PCSK6: variants seen among roughly 807,000 people sequenced by gnomAD.
The protein encoded by PCSK6 is proprotein convertase subtilisin/kexin type 6.
A neutral mutation model predicts 123.3 loss-of-function variants in PCSK6; 85 were observed. That is an observed-to-expected ratio of 0.69 (90% confidence interval 0.58 to 0.83). The LOEUF (loss-of-function observed/expected upper bound fraction) is 0.83, where lower values mean the gene tolerates loss of function less well. PCSK6 is among the 40% of genes least tolerant of loss of function. The pLI, the probability that PCSK6 is intolerant of heterozygous loss-of-function variation, is 0.00. For synonymous variants in PCSK6, 508 were observed against 516.0 expected (o/e 0.98, Z 0.21); for missense variants, 1,191 against 1,282.3 (o/e 0.93, Z 1.09).
intron 20 of PCSK6, among the ~76,000 whole-genome samples, chr15:101,310,696 CA>C (rs1267342866): frequency 2.6e-5 from 4 of 152,138 alleles, no homozygotes; most frequent in African/African-American, 9.7e-5. Flanking sequence ...TGCTGTGGGT[CA>C]GACAAGTGCA....
chr15:101,438,002 AGAG>A lies in PCSK6; in HGVS notation c.402+5551_402+5553del, dbSNP rs543486836. Among the ~76,000 whole-genome samples the A allele has an allele frequency of 1.8e-3, 269 of 152,352 alleles. 1 individual carries two copies. Among genetic ancestry groups the A allele is most frequent in the African/African-American group, 6.2e-3 (258 of 41,578 alleles). ...CCAATCTGGCCAGTGTCCCATGAGA[AGAG>A]GAGATTAGGACAGAGCCACTCGCAG... On this transcript the variant is annotated intron_variant, in intron 2 of 21. Transcript: ENST00000611716.
In PCSK6 at chr15:101,313,455, C is replaced by A. The variant is rs772698260; in HGVS notation, c.2620G>T (p.Asp874Tyr). 6.2e-7 allele frequency: 1 copy of A among 1,611,732 alleles called. No homozygotes were observed. Among genetic ancestry groups the A allele is most frequent in the East Asian group, 2.2e-5 (1 of 44,882 alleles). Residue 874 changes from aspartate to tyrosine, a missense_variant, in exon 20 of 22, where the codon GAC (aspartate) becomes TAC (tyrosine). Transcript: ENST00000611716. ...IHCAKNFHFH[D>Y]WKCVPACGEG... ...CCACAGGCTGGCACACACTTCCAGT[C>A]GTGGAAGTGGAAGTTTTTCGCACAG... is the stretch of plus-strand genomic sequence containing the variant.
chr15:101,314,276 C>A (rs190120118), intron 19 of PCSK6, among the ~76,000 whole-genome samples: 1 of 152,182 alleles, frequency 6.6e-6, no homozygotes, highest in South Asian at 2.1e-4. Context: ...GAGGACCTGT[C>A]GACCTGGGTC....
At chr15:101,396,300 C>T (rs2042410617) in intron 7 of PCSK6, among the ~76,000 whole-genome samples, 1 of 152,130 alleles carries the variant, frequency 6.6e-6, no homozygotes, top group African/African-American at 2.4e-5. Flanking sequence ...TCCCTCTCTG[C>T]AGCTCCAACC....
intron 1 of PCSK6, 141 bp from the exon 2 acceptor site, chr15:101,443,801 T>C (rs1041834796): frequency 1.5e-6 from 1 of 665,704 alleles, no homozygotes; most frequent in East Asian, 2.6e-5. Flanking sequence ...CTGCTCCTCA[T>C]ATCTCTGGCA....
At chr15:101,347,917 G>A (rs569495251) in intron 13 of PCSK6, 1 of 670,518 alleles carries the variant, frequency 1.5e-6, no homozygotes, top group South Asian at 1.7e-5. Context: ...CAAGCTGGCT[G>A]CAGCTCCACA....
rs146270699 is a variant in PCSK6 at position 101,405,427 on chromosome 15, G to A, written c.824-6851C>T. Among the ~76,000 whole-genome samples the A allele has an allele frequency of 1.1e-4, 16 of 152,268 alleles. No homozygotes were observed. In the South Asian group the frequency reaches 3.3e-3, roughly 32 times the overall value. On this transcript the variant is annotated intron_variant, in intron 6 of 21. Transcript: ENST00000611716. ...GTGGGTGTGAGGCGGGAGGAGTGTTGAGTGGAAGGAAGATGGTTGCTTTGG... is the reference window on the plus strand; with the variant it reads ...GTGGGTGTGAGGCGGGAGGAGTGTTAAGTGGAAGGAAGATGGTTGCTTTGG...
At chr15:101,391,862 T>C (rs2042243488) in intron 8 of PCSK6, among the ~76,000 whole-genome samples, 2 of 152,240 alleles carry the variant, frequency 1.3e-5, no homozygotes, top group African/African-American at 4.8e-5. Context: ...TTTTCTCTTT[T>C]ACCGTTCTCC....
Position 101,318,337 on chromosome 15 carries a change from T to C in PCSK6, c.2551A>G (p.Thr851Ala). Residue 851 changes from threonine to alanine, a missense_variant, in exon 19 of 22, where the codon ACC (threonine) becomes GCC (alanine). Thr to Ala is a moderately conservative substitution (Grantham distance 58). Around this residue, in one of 3 missense-constraint regions of PCSK6, gnomAD observed 630 missense variants for 631.4 expected, o/e 1.00. Coordinates refer to ENST00000611716, the MANE Select transcript of PCSK6 (RefSeq NM_002570.5). Reference protein sequence around the residue: ...ELIRCGECHHTCGTCVGPGRE... With the variant: ...ELIRCGECHHACGTCVGPGRE... Reference sequence around the variant, plus strand: ...AACTCACCCACGCAGGTTCCGCAGGTGTGATGGCATTCCCCACATCTGATC... The same window carrying C: ...AACTCACCCACGCAGGTTCCGCAGGCGTGATGGCATTCCCCACATCTGATC... The C allele has an allele frequency of 6.4e-7, 1 of 1,559,876 alleles. No homozygotes were observed.
chr15:101,348,183 G>A (rs1347666059), intron 13 of PCSK6, among the ~76,000 whole-genome samples: 2 of 122,970 alleles, frequency 1.6e-5, no homozygotes, highest in Non-Finnish European at 3.7e-5. Flanking sequence ...CGGCCCCTGC[G>A]CCTCCGCTGC....
chr15:101,440,529 C>A (rs186599586), intron 2 of PCSK6, among the ~76,000 whole-genome samples: 49 of 152,280 alleles, frequency 3.2e-4, no homozygotes, highest in Non-Finnish European at 5.4e-4. Context: ...CACTCCTATA[C>A]AATAGGGACT....
intron 1 of PCSK6, among the ~76,000 whole-genome samples, chr15:101,487,916 T>C (rs932772416): frequency 2.6e-5 from 4 of 152,178 alleles, no homozygotes; most frequent in Admixed American, 2.0e-4. Flanking sequence ...TGTGCGTATA[T>C]GTATGTGTGT....
intron 6 of PCSK6, among the ~76,000 whole-genome samples, chr15:101,425,232 G>T (rs1357160887): frequency 6.6e-6 from 1 of 152,174 alleles, no homozygotes; most frequent in Admixed American, 6.5e-5. Context: ...CTGGAAGGTA[G>T]GTGTGGGGTT....
At chr15:101,458,530 G>T (rs769160068) in intron 1 of PCSK6, among the ~76,000 whole-genome samples, 2 of 152,086 alleles carry the variant, frequency 1.3e-5, no homozygotes, top group Non-Finnish European at 1.5e-5. Context: ...ACTGTTGTTT[G>T]CTCACCATTT....
At chr15:101,320,459 G>A (rs1472802710) in intron 18 of PCSK6, among the ~76,000 whole-genome samples, 1 of 152,132 alleles carries the variant, frequency 6.6e-6, no homozygotes, top group African/African-American at 2.4e-5. Flanking sequence ...AAACCCACAC[G>A]TTTTGGCTAC....
chr15:101,438,649 C>A (rs766675761), intron 2 of PCSK6, among the ~76,000 whole-genome samples: 5 of 152,212 alleles, frequency 3.3e-5, no homozygotes, highest in African/African-American at 4.8e-5. Context: ...GAACACTGAA[C>A]GCCCTCCCAA....
chr15:101,374,882 T>TA (rs2041688145), intron 11 of PCSK6, among the ~76,000 whole-genome samples: 1 of 152,124 alleles, frequency 6.6e-6, no homozygotes, highest in Non-Finnish European at 1.5e-5. Flanking sequence ...GGCTCTGAGG[T>TA]AAGCTGCTTC....
Position 101,393,287 on chromosome 15 carries a change from C to A in PCSK6, c.1134G>T (p.Lys378Asn), listed in dbSNP as rs201024302. ...AGGCACACTCTTCCAGGTACCAGGG[C>A]TTGTAGCCATTCTCGGTGGCGCTGC... ...SVSSATENGY[K>N]PWYLEECAST... The change falls in exon 8 of 22, where the codon AAG (lysine) becomes AAT (asparagine). Residue 378 changes from lysine (K) to asparagine (N), a missense_variant. Coordinates refer to ENST00000611716, the MANE Select transcript of PCSK6 (RefSeq NM_002570.5). 74 of 1,613,112 alleles carry A rather than the reference C, an allele frequency of 4.6e-5. 1 individual carries two copies. The highest frequency in any genetic ancestry group is 6.2e-5 in the Non-Finnish European group (73 of 1,179,674).
At chr15:101,489,004 A>T (rs936710888) in intron 1 of PCSK6, among the ~76,000 whole-genome samples, 8 of 149,602 alleles carry the variant, frequency 5.3e-5, no homozygotes, top group Non-Finnish European at 1.0e-4. Context: ...ACGGCGCGCG[A>T]CGCCTGAGGC....
Sources: allele counts gnomAD v4.1 joint callset (sites outside exome capture counted in the v4.1 genomes callset), GRCh38; gene constraint gnomAD v4.1.1; regional missense constraint gnomAD v4.1.1; transcripts MANE v1.5; gene names NCBI Gene and HGNC (gene_info 2026-07-23, HGNC 2026-07-21).